Variants in RPS6KA2 observed in about 807,000 individuals in gnomAD.
The protein encoded by RPS6KA2 is ribosomal protein S6 kinase alpha-2.
A neutral mutation model predicts 91.8 loss-of-function variants in RPS6KA2; 42 were observed. The ratio of observed to expected loss-of-function variants is 0.46; its 90% CI spans 0.36 to 0.59. The LOEUF is 0.59. RPS6KA2 is among the 20% of genes least tolerant of loss of function. The probability of loss-of-function intolerance (pLI) is 0.00; values close to 1 mark genes in which losing one functional copy is unlikely to be tolerated. For synonymous variants in RPS6KA2, 414 were observed against 393.6 expected (o/e 1.05, Z -0.61); for missense variants, 798 against 978.5 (o/e 0.82, Z 2.46).
rs574602174 is a variant in RPS6KA2, at chr6:166,427,750, G to A, written c.1581+2703C>T. On this transcript the variant is annotated intron_variant, in intron 16 of 20. Transcript: ENST00000265678. ...CCTAGGAATCCAACTTACAAGGGAC[G>A]TGAAGGACCTCTTCAAGGAGAACTA... 1.1e-3 allele frequency among the ~76,000 whole-genome samples: 171 copies of A among 152,270 alleles called. 5 individuals carry two copies. The highest frequency in any genetic ancestry group is 8.1e-3 in the South Asian group (39 of 4,824).
At chr6:166,517,992 C>A (rs1268490858) in intron 3 of RPS6KA2, among the ~76,000 whole-genome samples, 1 of 152,108 alleles carries the variant, frequency 6.6e-6, no homozygotes, top group Non-Finnish European at 1.5e-5. Flanking sequence ...GGCTGTGAGA[C>A]CCCTGATTTC....
intron 8 of RPS6KA2, among the ~76,000 whole-genome samples, chr6:166,492,098 G>A (rs1781606254): frequency 6.6e-6 from 1 of 152,096 alleles, no homozygotes; most frequent in African/African-American, 2.4e-5. Context: ...TAATCTTAAA[G>A]AAATGAATGC....
intron 4 of RPS6KA2, 48 bp downstream of exon 4, chr6:166,510,229 G>A: frequency 8.9e-7 from 1 of 1,117,470 alleles, no homozygotes; most frequent in East Asian, 2.4e-5. Context: ...TTGATCTGGA[G>A]AAGGTTGCCC....
intron 2 of RPS6KA2, among the ~76,000 whole-genome samples, chr6:166,537,038 C>G (rs1388825080): frequency 6.6e-6 from 1 of 152,156 alleles, no homozygotes; most frequent in East Asian, 1.9e-4. Flanking sequence ...TCTTTAATAC[C>G]CCAGTTCTGT....
At chr6:166,425,894 G>A (rs1778899200) in intron 16 of RPS6KA2, among the ~76,000 whole-genome samples, 2 of 152,044 alleles carry the variant, frequency 1.3e-5, no homozygotes. Flanking sequence ...ACAGATCAAC[G>A]AGACAGAAAG....
chr6:166,596,521 C>T (rs1785539285), intron 1 of RPS6KA2, among the ~76,000 whole-genome samples: 1 of 152,188 alleles, frequency 6.6e-6, no homozygotes, highest in Non-Finnish European at 1.5e-5. Context: ...GATCATCAGA[C>T]TCCAAGTTCT....
At chr6:166,517,358 A>G (rs1333386152) in intron 3 of RPS6KA2, among the ~76,000 whole-genome samples, 1 of 151,992 alleles carries the variant, frequency 6.6e-6, no homozygotes, top group Non-Finnish European at 1.5e-5. Context: ...AAAACTGGCC[A>G]TAAACAAAAT....
chr6:166,447,252 T>C (rs1779710607), intron 14 of RPS6KA2, among the ~76,000 whole-genome samples: 1 of 152,146 alleles, frequency 6.6e-6, no homozygotes, highest in South Asian at 2.1e-4. Flanking sequence ...CTCGCTGCAG[T>C]CTCCACCCAA....
intron 1 of RPS6KA2, among the ~76,000 whole-genome samples, chr6:166,611,148 C>A (rs1786157230): frequency 6.6e-6 from 1 of 152,128 alleles, no homozygotes; most frequent in African/African-American, 2.4e-5. Context: ...AAAAGCATTT[C>A]TACTATGTTT....
At position 166,757,827 on chromosome 6, in the gene RPS6KA2, G is replaced by A. The variant is rs643305; in HGVS notation, c.123+100373C>T. On this transcript the variant is annotated intron_variant, in intron 2 of 21. Coordinates refer to the RPS6KA2 transcript ENST00000503859. ...AACTCTGGCTGCAGACAAAACCCCC[G>A]CTTTGCAAACTCAGAAGCAAAGGAG... 2,613 of 299,252 alleles carry A rather than the reference G, an allele frequency of 8.7e-3. 64 individuals carry two copies. The highest frequency in any genetic ancestry group is 0.055 in the African/African-American group (2,443 of 44,636). 18.5% of individuals were successfully genotyped at this position (299,252 alleles called of 1,614,324 possible). A position where few individuals can be genotyped will look rare whatever the true frequency, so the allele number is the denominator to read the frequency against.
At chr6:166,584,597 T>TA (rs1262830186) in intron 1 of RPS6KA2, among the ~76,000 whole-genome samples, 1 of 152,232 alleles carries the variant, frequency 6.6e-6, no homozygotes, top group Non-Finnish European at 1.5e-5. Context: ...ATTCTGGGGA[T>TA]ACTCAGCAGC....
chr6:166,851,221 CAGG>C (rs1336449672), intron 2 of RPS6KA2, among the ~76,000 whole-genome samples: 1 of 152,166 alleles, frequency 6.6e-6, no homozygotes, highest in African/African-American at 2.4e-5. Flanking sequence ...CCTCTGCAGG[CAGG>C]AGGAGAGCCA....
chr6:166,451,848 A>G (rs1265510615), intron 12 of RPS6KA2, among the ~76,000 whole-genome samples: 18 of 152,242 alleles, frequency 1.2e-4, no homozygotes, highest in Admixed American at 1.2e-3. Context: ...GTTCAAAAGC[A>G]TGACTGCTGT....
At chr6:166,809,765 G>A (rs929232006) in intron 2 of RPS6KA2, among the ~76,000 whole-genome samples, 13 of 152,174 alleles carry the variant, frequency 8.5e-5, no homozygotes, top group African/African-American at 3.1e-4. Context: ...ATGGTGGAAG[G>A]CATCCTGGCG....
At chr6:166,631,115 G>A (rs1423750348), upstream of RPS6KA2, among the ~76,000 whole-genome samples, 1 of 152,206 alleles carries the variant, frequency 6.6e-6, no homozygotes, top group Admixed American at 6.5e-5. Context: ...AATGACACCT[G>A]TGCCCTCAGT....
chr6:166,489,085 G>A (rs977724753), intron 9 of RPS6KA2, among the ~76,000 whole-genome samples, 164 bp from the exon 10 acceptor site: 1 of 152,100 alleles, frequency 6.6e-6, no homozygotes, highest in African/African-American at 2.4e-5. Context: ...AGTTACTGAG[G>A]ACACCAAAGA....
Position 166,770,756 on chromosome 6 carries a change from A to C in RPS6KA2, c.123+87444T>G. 3.7e-6 allele frequency: 4 copies of C among 1,072,538 alleles called. No individual in the cohort carries two copies. The highest frequency in any genetic ancestry group is 5.4e-6 in the Non-Finnish European group (4 of 740,400). 66.4% of individuals were successfully genotyped at this position (1,072,538 alleles called of 1,614,324 possible). A position where few individuals can be genotyped will look rare whatever the true frequency, so the allele number is the denominator to read the frequency against. ...CACCTTGCCTTGCTGGACTCCGGGCACCGTGAAACAACTCAATAAATTGAA... is the reference window on the plus strand; with the variant it reads ...CACCTTGCCTTGCTGGACTCCGGGCCCCGTGAAACAACTCAATAAATTGAA... On this transcript the variant is annotated intron_variant, in intron 2 of 21. Transcript: ENST00000503859. The surrounding 1 kb of genome is among the most constrained non-coding windows in gnomAD (Gnocchi z 5.1).
intron 2 of RPS6KA2, among the ~76,000 whole-genome samples, chr6:166,704,127 T>C (rs760837): frequency 0.91 from 138,000 of 152,274 alleles, 62,641 homozygotes; most frequent in East Asian, 0.96. Flanking sequence ...AATTCTCCCC[T>C]CCAAATTAGG....
chr6:166,718,760 C>T (rs570714411), intron 2 of RPS6KA2, among the ~76,000 whole-genome samples: 19 of 152,308 alleles, frequency 1.2e-4, no homozygotes, highest in African/African-American at 4.3e-4. Flanking sequence ...CTTGGCAGGA[C>T]TTTCAGATCG....
Sources: allele counts gnomAD v4.1 joint callset (sites outside exome capture counted in the v4.1 genomes callset), GRCh38; gene constraint gnomAD v4.1.1; non-coding constraint Gnocchi (gnomAD v3.1); transcripts MANE v1.5; gene names NCBI Gene and HGNC (gene_info 2026-07-23, HGNC 2026-07-21).